CAMK2D: variants seen among roughly 807,000 people sequenced by gnomAD.
CAMK2D encodes the protein calcium/calmodulin-dependent protein kinase type II subunit delta.
CAMK2D carries 37 observed loss-of-function variants against 84.0 expected under a neutral mutation model. The observed-to-expected ratio is 0.44, with a 90% CI of 0.34 to 0.58. The LOEUF is 0.58. CAMK2D is among the 20% of genes least tolerant of loss of function. CAMK2D has a pLI of 0.02. For missense variants in CAMK2D, 448 were observed against 652.5 expected (o/e 0.69, Z 3.41); for synonymous variants, 202 against 212.5 (o/e 0.95, Z 0.43).
intron 3 of CAMK2D, among the ~76,000 whole-genome samples, chr4:113,658,686 A>G (rs1366401603): frequency 6.6e-6 from 1 of 152,162 alleles, no homozygotes; most frequent in Non-Finnish European, 1.5e-5. Flanking sequence ...TGTTCCTACT[A>G]TACACCTAGA....
intron 3 of CAMK2D, among the ~76,000 whole-genome samples, chr4:113,650,333 C>T (rs2154301058): frequency 6.6e-6 from 1 of 151,836 alleles, no homozygotes; most frequent in Admixed American, 6.5e-5. Flanking sequence ...GCCTGGCCAA[C>T]ATGGTGAAAC....
rs1487397615 is a variant in CAMK2D at position 113,514,332 on chromosome 4, G to C, written c.820-419C>G. 2.6e-5 allele frequency among the ~76,000 whole-genome samples: 4 copies of C among 152,196 alleles called. No homozygotes were observed. In the East Asian group the frequency reaches 7.7e-4, roughly 29 times the overall value. ...GGAGGCTGAGACAGGAGAATTGCTTGAACCTGGGAGGTGGAGGTTGCAGTG... is the reference window on the plus strand; with the variant it reads ...GGAGGCTGAGACAGGAGAATTGCTTCAACCTGGGAGGTGGAGGTTGCAGTG... On this transcript the variant is annotated intron_variant, in intron 10 of 20. Transcript: ENST00000511664.
intron 8 of CAMK2D, among the ~76,000 whole-genome samples, chr4:113,525,933 T>C (rs4833431): frequency 0.052 from 7,989 of 152,230 alleles, 297 homozygotes; most frequent in Non-Finnish European, 0.075. Context: ...AGCAACCAAA[T>C]AGTGTGTCCA....
intron 6 of CAMK2D, 100 bp downstream of exon 6, chr4:113,547,544 C>T (rs1316229898): frequency 4.8e-6 from 3 of 630,960 alleles, no homozygotes; most frequent in Non-Finnish European, 8.0e-6. Context: ...TAAGTCCACA[C>T]AACTTTATTG....
intron 4 of CAMK2D, among the ~76,000 whole-genome samples, chr4:113,586,177 G>T (rs13149304): frequency 5.3e-5 from 8 of 151,964 alleles, no homozygotes; most frequent in African/African-American, 1.7e-4. Context: ...GAGAGTAATT[G>T]GTTCAAGGAT....
chr4:113,620,654 T>C (rs2154276851), intron 3 of CAMK2D, among the ~76,000 whole-genome samples: 1 of 151,892 alleles, frequency 6.6e-6, no homozygotes, highest in South Asian at 2.1e-4. Flanking sequence ...ACTACAGGCG[T>C]GCACCTACAT....
chr4:113,579,283 A>C (rs929262822), intron 4 of CAMK2D, among the ~76,000 whole-genome samples: 4 of 152,310 alleles, frequency 2.6e-5, no homozygotes, highest in East Asian at 3.9e-4. Flanking sequence ...TGGAATTACA[A>C]CACCAATTCT....
At chr4:113,600,858 G>A (rs1441765512) in intron 4 of CAMK2D, among the ~76,000 whole-genome samples, 1 of 152,102 alleles carries the variant, frequency 6.6e-6, no homozygotes, top group Non-Finnish European at 1.5e-5. Context: ...TGATCTTTAA[G>A]TCCTAGGCTT....
At chr4:113,657,556 CA>C (rs1292474197) in intron 3 of CAMK2D, among the ~76,000 whole-genome samples, 2 of 151,924 alleles carry the variant, frequency 1.3e-5, no homozygotes, top group Non-Finnish European at 2.9e-5. Flanking sequence ...ATGAATAAAT[CA>C]AATATTAAAA....
chr4:113,729,583 G>A (rs950905474), intron 2 of CAMK2D, among the ~76,000 whole-genome samples: 3 of 152,058 alleles, frequency 2.0e-5, no homozygotes, highest in African/African-American at 7.2e-5. Context: ...ACTTTTCCTG[G>A]TCACCCTATC....
At chr4:113,578,894 C>A (rs2098796103) in intron 4 of CAMK2D, among the ~76,000 whole-genome samples, 1 of 152,190 alleles carries the variant, frequency 6.6e-6, no homozygotes, top group Admixed American at 6.5e-5. Flanking sequence ...GCTACCATTG[C>A]TACACAATCA....
chr4:113,518,841 A>G (rs1254252470), intron 8 of CAMK2D, among the ~76,000 whole-genome samples: 1 of 152,186 alleles, frequency 6.6e-6, no homozygotes, highest in African/African-American at 2.4e-5. Flanking sequence ...GTTTTTAAGC[A>G]ATGGTTTAAT....
At chr4:113,469,259 C>T (rs1452972932) in intron 16 of CAMK2D, among the ~76,000 whole-genome samples, 3 of 152,184 alleles carry the variant, frequency 2.0e-5, no homozygotes, top group Non-Finnish European at 4.4e-5. Flanking sequence ...TAACAATACT[C>T]AGGAATGCAG....
At chr4:113,585,442 T>G (rs985001128) in intron 4 of CAMK2D, among the ~76,000 whole-genome samples, 6 of 152,106 alleles carry the variant, frequency 3.9e-5, no homozygotes, top group African/African-American at 7.2e-5. Flanking sequence ...TGCACACACA[T>G]ATTTGTATAC....
intron 3 of CAMK2D, among the ~76,000 whole-genome samples, chr4:113,620,591 T>C (rs1366003036): frequency 6.6e-6 from 1 of 150,672 alleles, no homozygotes; most frequent in Non-Finnish European, 1.5e-5. Context: ...CACTGCAACC[T>C]CCGCCTCCCA....
In CAMK2D at chr4:113,560,231, A is replaced by ATT. The variant is rs60828884; in HGVS notation, c.276-8137_276-8136dup. Among the ~76,000 whole-genome samples, 29 of 144,124 alleles carry ATT rather than the reference A, an allele frequency of 2.0e-4. No homozygotes were observed. The East Asian group carries it at 4.2e-3, about 21-fold the overall frequency. 94.6% of individuals were successfully genotyped at this position (144,124 alleles called of 152,430 possible). A position where few individuals can be genotyped will look rare whatever the true frequency, so the allele number is the denominator to read the frequency against. ...TGAGCGACTCATTTGTTCTCACAGC[A>ATT]TTTTTTTTTTTTTCCTGAAAATACA... On this transcript the variant is annotated intron_variant, in intron 4 of 20. Transcript: ENST00000511664.
chr4:113,609,787 T>C (rs115899133), intron 3 of CAMK2D, among the ~76,000 whole-genome samples: 1,777 of 152,312 alleles, frequency 0.012, 48 homozygotes, highest in African/African-American at 0.041. Context: ...ATGTTACTTA[T>C]TTACTCAGGT....
intron 4 of CAMK2D, among the ~76,000 whole-genome samples, chr4:113,603,782 T>TATATATAG (rs2098965229): frequency 1.2e-5 from 1 of 81,150 alleles, no homozygotes. Flanking sequence ...TTTATATATA[T>TATATATAG]ATATATATAT....
At chr4:113,676,450 C>T (rs980962013) in intron 2 of CAMK2D, among the ~76,000 whole-genome samples, 1 of 152,096 alleles carries the variant, frequency 6.6e-6, no homozygotes, top group East Asian at 1.9e-4. Context: ...AGTCCACTGA[C>T]TCCTCCACTG....
Sources: allele counts gnomAD v4.1 joint callset (sites outside exome capture counted in the v4.1 genomes callset), GRCh38; gene constraint gnomAD v4.1.1; transcripts MANE v1.5; gene names NCBI Gene and HGNC (gene_info 2026-07-23, HGNC 2026-07-21).